The following NHSL2 variants were observed in gnomAD, a reference collection of about 807,000 sequenced individuals.
NHSL2 encodes the protein NHS-like protein 2.
NHSL2 carries 27 observed loss-of-function variants against 53.4 expected under a neutral mutation model. That is an observed-to-expected ratio of 0.51 (90% CI 0.37 to 0.70). The LOEUF is 0.70. Ranked by LOEUF, NHSL2 falls within the 30% of genes least tolerant of loss-of-function variation. NHSL2 has a pLI of 0.00. For synonymous variants in NHSL2, 408 were observed against 404.1 expected, an observed-to-expected ratio of 1.01 and a Z score of -0.12; for missense variants, 892 against 980.1, an observed-to-expected ratio of 0.91 and a Z score of 1.20.
chrX:72,081,246 G>T (rs2041789261), intron 1 of NHSL2, among the ~76,000 whole-genome samples: 2 of 112,420 alleles, frequency 1.8e-5, no homozygotes, highest in Non-Finnish European at 3.8e-5. Context: ...ACTGTCACTG[G>T]ATGATGGGAG....
In NHSL2 at chrX:72,140,233, T is replaced by C. The variant is rs1382255328; in HGVS notation, c.2685T>C (p.Tyr895=). Residue 895 remains tyrosine, a synonymous_variant, in exon 6 of 8, where the codon TAT becomes TAC. Coordinates refer to ENST00000633930, the MANE Select transcript of NHSL2 (RefSeq NM_001013627.3). ...AGCCACCATCTGTTCCTGAGGAGTA[T>C]GCACTAACTTCACCAACCTTGGCTA... ...VHKPPSVPEE[Y]ALTSPTLAMP... is the part of the protein sequence containing the mutation. The C allele has an allele frequency of 1.3e-5, 16 of 1,207,818 alleles. No homozygotes were observed. The highest frequency in any genetic ancestry group is 3.0e-5 in the East Asian group (1 of 33,729).
chrX:71,987,804 G>A (rs2042009636), intron 1 of NHSL2, among the ~76,000 whole-genome samples: 1 of 112,353 alleles, frequency 8.9e-6, no homozygotes, highest in South Asian at 3.7e-4. Context: ...CTGAAGCCAG[G>A]CCACCACGGT....
chrX:71,920,814 G>GT (rs5902696), intron 1 of NHSL2, among the ~76,000 whole-genome samples: 17,776 of 108,879 alleles, frequency 0.16, 2,249 homozygotes, highest in African/African-American at 0.41. Flanking sequence ...TTTTGTTTTT[G>GT]TTTTTTTTGA....
At chrX:72,109,709 C>T (rs1367507034) in intron 1 of NHSL2, among the ~76,000 whole-genome samples, 5 of 111,193 alleles carry the variant, frequency 4.5e-5, no homozygotes, top group African/African-American at 1.6e-4. Flanking sequence ...CCTCATGATC[C>T]GCCCGCCTCA....
intron 1 of NHSL2, among the ~76,000 whole-genome samples, chrX:72,108,855 A>G (rs959338297): frequency 4.5e-5 from 5 of 111,223 alleles, no homozygotes; most frequent in Admixed American, 9.5e-5. Flanking sequence ...AGACCCTCCA[A>G]CAGCTTTCAG....
At chrX:72,132,438 A>G (rs2042315643) in intron 2 of NHSL2, among the ~76,000 whole-genome samples, 1 of 110,777 alleles carries the variant, frequency 9.0e-6, no homozygotes, top group African/African-American at 3.3e-5. Flanking sequence ...CCCCATCCCC[A>G]GCCCCTTTTT....
chrX:71,945,480 T>TC (rs2041788268), intron 1 of NHSL2, among the ~76,000 whole-genome samples: 1 of 111,090 alleles, frequency 9.0e-6, no homozygotes, highest in Non-Finnish European at 1.9e-5. Context: ...TGCTCCTGCG[T>TC]CCCCCCACCC....
chrX:72,003,613 G>A (rs765207556), intron 1 of NHSL2, among the ~76,000 whole-genome samples: 73 of 111,819 alleles, frequency 6.5e-4, no homozygotes, highest in Admixed American at 6.2e-3. Flanking sequence ...GTGATGTTGC[G>A]TGGGGCCTGG....
chrX:72,102,157 G>T (rs749407583), intron 1 of NHSL2, among the ~76,000 whole-genome samples: 2 of 112,543 alleles, frequency 1.8e-5, no homozygotes, highest in East Asian at 5.6e-4. Context: ...TATTGTCTTT[G>T]TTGTACCTCC....
intron 1 of NHSL2, among the ~76,000 whole-genome samples, chrX:71,942,970 CTCTGTGTGTGTGTGTGTG>C (rs1244754640): frequency 1.8e-4 from 3 of 17,081 alleles, no homozygotes; most frequent in African/African-American, 4.6e-4. Context: ...CTCTCTCTCT[CTCTGTGTGTGTGTGTGTG>C]TGTGTGTGTG....
chrX:71,974,096 C>T (rs1422917239), intron 1 of NHSL2, among the ~76,000 whole-genome samples: 1 of 111,971 alleles, frequency 8.9e-6, no homozygotes, highest in East Asian at 2.8e-4. Flanking sequence ...GGAAAATTTC[C>T]AGAGACTTTA....
At chrX:71,995,371 C>T (rs1569470325) in intron 1 of NHSL2, among the ~76,000 whole-genome samples, 1 of 111,822 alleles carries the variant, frequency 8.9e-6, no homozygotes, top group Non-Finnish European at 1.9e-5. Context: ...AAACCCTCTA[C>T]TGGATCTCTA....
chrX:72,095,113 T>G (rs2041933063), intron 1 of NHSL2, among the ~76,000 whole-genome samples: 1 of 111,999 alleles, frequency 8.9e-6, no homozygotes, highest in African/African-American at 3.2e-5. Context: ...TTGCCATGGT[T>G]CCCAAGCACT....
At chrX:72,022,470 C>T (rs966378190) in intron 1 of NHSL2, among the ~76,000 whole-genome samples, 19 of 111,083 alleles carry the variant, frequency 1.7e-4, no homozygotes, top group African/African-American at 6.2e-4. Flanking sequence ...CCCATAGATC[C>T]GGTGTCTGGT....
chrX:72,091,601 T>C (rs1447673616), intron 1 of NHSL2, among the ~76,000 whole-genome samples: 1 of 111,400 alleles, frequency 9.0e-6, no homozygotes, highest in Non-Finnish European at 1.9e-5. Flanking sequence ...TTTAAATGTG[T>C]GCTTGGAGAG....
intron 1 of NHSL2, among the ~76,000 whole-genome samples, chrX:72,085,223 G>GCCCTCTCCCCTGTACCACCCAGC (rs2041827696): frequency 9.0e-6 from 1 of 111,671 alleles, no homozygotes; most frequent in African/African-American, 3.3e-5. Context: ...CATAGCCCAG[G>GCCCTCTCCCCTGTACCACCCAGC]CCCTCTCCCC....
intron 1 of NHSL2, among the ~76,000 whole-genome samples, chrX:72,059,473 A>G (rs776166319): frequency 4.5e-5 from 5 of 112,045 alleles, no homozygotes; most frequent in Admixed American, 9.4e-5. Flanking sequence ...CTACCTGGCT[A>G]TACCAGATCA....
Position 72,148,835 on chromosome X carries a change from A to AGTGTGTGTGTGTGT in NHSL2, c.*5265_*5266insGTGTGTGTGTGTGT, listed in dbSNP as rs1176922210. On this transcript the variant is annotated 3_prime_UTR_variant, in exon 8 of 8. Coordinates refer to ENST00000633930, the MANE Select transcript of NHSL2 (RefSeq NM_001013627.3). ...GAGAGGGAGAAAGAGAGAGAGAGAG[A>AGTGTGTGTGTGTGT]GTGTATGTGTGTGTGTGTGTGTGTG... is the stretch of plus-strand genomic sequence containing the variant. 5.9e-4 allele frequency: 15 copies of AGTGTGTGTGTGTGT among 25,465 alleles called. No homozygotes were observed. Among genetic ancestry groups the AGTGTGTGTGTGTGT allele is most frequent in the Admixed American group, 1.5e-3 (2 of 1,343 alleles). The allele number at this position is 25,465 out of a possible 1,213,427, so 2.1% of individuals were successfully genotyped here.
intron 1 of NHSL2, among the ~76,000 whole-genome samples, chrX:72,079,078 C>T (rs2041768133): frequency 1.8e-5 from 2 of 112,298 alleles, no homozygotes; most frequent in Non-Finnish European, 3.8e-5. Flanking sequence ...TCCTCTCTTC[C>T]GATTAGAAGA....
Sources: allele counts gnomAD v4.1 joint callset (sites outside exome capture counted in the v4.1 genomes callset), GRCh38; gene constraint gnomAD v4.1.1; transcripts MANE v1.5; gene names NCBI Gene and HGNC (gene_info 2026-07-23, HGNC 2026-07-21).